Variants in KAT14 observed in about 807,000 individuals in gnomAD.
The protein encoded by KAT14 is lysine acetyltransferase 14, also known as cysteine-rich protein 2-binding protein.
In KAT14, 66 loss-of-function variants were observed where a neutral mutation model predicts 78.4. That is an observed-to-expected ratio of 0.84 (90% CI 0.69 to 1.03). The LOEUF is 1.03. KAT14 is among the 50% of genes least tolerant of loss of function. The probability of loss-of-function intolerance (pLI) is 0.00; values close to 1 mark genes in which losing one functional copy is unlikely to be tolerated. For synonymous variants in KAT14, 344 were observed against 359.4 expected (o/e 0.96, Z 0.48); for missense variants, 870 against 972.5 (o/e 0.89, Z 1.40).
At chr20:18,172,771 G>GT (rs960023100) in intron 7 of KAT14, among the ~76,000 whole-genome samples, 4 of 152,222 alleles carry the variant, frequency 2.6e-5, no homozygotes, top group South Asian at 2.1e-4. Context: ...TTCAAGCTGT[G>GT]TTTTTTTGCC....
chr20:18,184,407 T>G (rs2039378264), intron 9 of KAT14, among the ~76,000 whole-genome samples, 195 bp from the exon 10 acceptor site: 1 of 152,122 alleles, frequency 6.6e-6, no homozygotes, highest in Admixed American at 6.5e-5. Flanking sequence ...AAATACTATG[T>G]AATTTCAATA....
At chr20:18,160,413 T>C (rs1305710982) in intron 5 of KAT14, among the ~76,000 whole-genome samples, 1 of 152,298 alleles carries the variant, frequency 6.6e-6, no homozygotes, top group East Asian at 1.9e-4. Context: ...CGTACTATTA[T>C]GAGTTTTCCA....
intron 9 of KAT14, among the ~76,000 whole-genome samples, chr20:18,184,380 G>A (rs2039377711): frequency 6.6e-6 from 1 of 151,710 alleles, no homozygotes; most frequent in Non-Finnish European, 1.5e-5. Context: ...ACCCTATTCT[G>A]CCACTCTTCT....
intron 4 of KAT14, among the ~76,000 whole-genome samples, chr20:18,153,656 T>G (rs1306278823): frequency 1.3e-5 from 2 of 152,220 alleles, no homozygotes; most frequent in Non-Finnish European, 2.9e-5. Flanking sequence ...CCTTATTTCT[T>G]TTTAACATGC....
chr20:18,166,249 G>A (rs1465262673), intron 7 of KAT14, among the ~76,000 whole-genome samples: 2 of 152,154 alleles, frequency 1.3e-5, no homozygotes, highest in Non-Finnish European at 2.9e-5. Flanking sequence ...CCTTACTGCT[G>A]TGTCCTGCAT....
intron 7 of KAT14, among the ~76,000 whole-genome samples, chr20:18,169,890 C>T (rs758602710): frequency 1.1e-4 from 17 of 152,144 alleles, no homozygotes; most frequent in Non-Finnish European, 1.9e-4. Flanking sequence ...GATAAAAAAT[C>T]GAAGTAGCCT....
rs1380341672 is a variant in KAT14, at chr20:18,187,482, A to T, written c.*23A>T. ...TGATGCGAATACAGCTCACAGAGAA[A>T]CGCATGTGCTATTGGAGAACAGGTC... On this transcript the variant is annotated 3_prime_UTR_variant, in exon 11 of 11. Transcript: ENST00000688188. The T allele has an allele frequency of 1.2e-6, 2 of 1,613,240 alleles. No individual in the cohort carries two copies. Among genetic ancestry groups the T allele is most frequent in the Non-Finnish European group, 1.7e-6 (2 of 1,179,734 alleles).
chr20:18,142,905 A>G lies in KAT14; in HGVS notation c.245A>G (p.Lys82Arg), dbSNP rs771028770. ...TCCTACTTCTGTGACAAGTGCCAAA[A>G]ATGGATACCAGCCAGTAAGGAGCTT... ...QLSYFCDKCQ[K>R]WIPASQLREQ... Residue 82 changes from lysine (K) to arginine (R), a missense_variant, in exon 2 of 11, where the codon AAA becomes AGA. Lys to Arg is a conservative substitution (Grantham distance 26, BLOSUM62 2). Coordinates refer to ENST00000688188, the MANE Select transcript of KAT14 (RefSeq NM_001392073.1). 6.2e-7 allele frequency: 1 copy of G among 1,613,840 alleles called. No individual in the cohort carries two copies. The highest frequency in any genetic ancestry group is 1.3e-5 in the African/African-American group (1 of 74,932).
intron 1 of KAT14, chr20:18,138,597 G>C (rs8122151): frequency 0.033 from 11,249 of 343,544 alleles, 441 homozygotes; most frequent in African/African-American, 0.12. Flanking sequence ...CCATGCCTTT[G>C]ACCAAGATAA....
rs1255540939 is a variant in KAT14 at position 18,187,329 on chromosome 20, A to G, written c.2216A>G (p.Asn739Ser). 1 of 1,613,632 alleles carries G rather than the reference A, an allele frequency of 6.2e-7. No individual in the cohort carries two copies. The highest frequency in any genetic ancestry group is 2.2e-5 in the East Asian group (1 of 44,886). ...KDVTLHVSAS[N>S]PAMLLYQKFG... ...GTAACCCTTCACGTCTCAGCAAGCA[A>G]CCCCGCTATGCTACTGTACCAGAAG... The change falls in exon 11 of 11, where the codon AAC becomes AGC. Residue 739 changes from asparagine to serine, a missense_variant. Coordinates refer to ENST00000688188, the MANE Select transcript of KAT14 (RefSeq NM_001392073.1).
chr20:18,186,140 C>T (rs571632716), intron 10 of KAT14, among the ~76,000 whole-genome samples: 52 of 152,230 alleles, frequency 3.4e-4, no homozygotes, highest in South Asian at 1.5e-3. Flanking sequence ...GTCCTTGGTG[C>T]CCAACATGAG....
At chr20:18,158,399 G>A (rs747177075) in intron 4 of KAT14, among the ~76,000 whole-genome samples, 8 of 152,328 alleles carry the variant, frequency 5.3e-5, no homozygotes, top group Admixed American at 1.3e-4. Flanking sequence ...CTGTCTTCTA[G>A]GATTTCCGGG....
intron 1 of KAT14, among the ~76,000 whole-genome samples, chr20:18,141,911 A>G (rs2037602462): frequency 6.6e-6 from 1 of 152,118 alleles, no homozygotes; most frequent in Non-Finnish European, 1.5e-5. Context: ...AAAAAATTTA[A>G]CATAGTGCCA....
intron 3 of KAT14, among the ~76,000 whole-genome samples, chr20:18,147,053 T>G (rs1368404650): frequency 6.6e-6 from 1 of 152,154 alleles, no homozygotes; most frequent in African/African-American, 2.4e-5. Context: ...CCCACAGCAC[T>G]TTTTACTTTG....
At chr20:18,158,451 T>C (rs1444634508) in intron 4 of KAT14, among the ~76,000 whole-genome samples, 1 of 152,244 alleles carries the variant, frequency 6.6e-6, no homozygotes, top group Non-Finnish European at 1.5e-5. Context: ...ACAGTCGCCT[T>C]GAAAGAATTT....
intron 7 of KAT14, among the ~76,000 whole-genome samples, chr20:18,173,039 G>C (rs867459482): frequency 2.0e-5 from 3 of 152,296 alleles, no homozygotes; most frequent in African/African-American, 7.2e-5. Flanking sequence ...GGTGAGTTAG[G>C]CTCTGATTAA....
In KAT14 at chr20:18,162,636, G is replaced by A. The variant is rs1004864555; in HGVS notation, c.1359G>A (p.Lys453=). ...AGCCTCAGCTGGAGAAGGACACAAAGCCGAAAGAGCCCAGGTATACTCCCG... is the reference window on the plus strand; with the variant it reads ...AGCCTCAGCTGGAGAAGGACACAAAACCGAAAGAGCCCAGGTATACTCCCG... ...KRKPQLEKDT[K]PKEPRYTPVS... The change falls in exon 7 of 11, where the codon AAG becomes AAA. Residue 453 remains lysine (K), a synonymous_variant. Coordinates refer to ENST00000688188, the MANE Select transcript of KAT14 (RefSeq NM_001392073.1). 9 of 1,614,098 alleles carry A rather than the reference G, an allele frequency of 5.6e-6. No homozygotes were observed. The African/African-American group carries it at 8.0e-5, about 14-fold the overall frequency.
At chr20:18,157,524 C>G (rs2038268016) in intron 4 of KAT14, among the ~76,000 whole-genome samples, 1 of 152,118 alleles carries the variant, frequency 6.6e-6, no homozygotes. Context: ...AGTATGTTCA[C>G]GTATTTGAAT....
At chr20:18,185,891 A>G (rs576105833) in intron 10 of KAT14, among the ~76,000 whole-genome samples, 1 of 152,220 alleles carries the variant, frequency 6.6e-6, no homozygotes, top group Non-Finnish European at 1.5e-5. Context: ...TTAGGCAGTG[A>G]TTATGTAAAT....
Sources: allele counts gnomAD v4.1 joint callset (sites outside exome capture counted in the v4.1 genomes callset), GRCh38; gene constraint gnomAD v4.1.1; transcripts MANE v1.5; gene names NCBI Gene and HGNC (gene_info 2026-07-23, HGNC 2026-07-21).